Variants in SLC38A8 observed in about 807,000 individuals in gnomAD.
The protein encoded by SLC38A8 is amino acid transporter SLC38A8.
Under a neutral mutation model 46.0 loss-of-function variants are expected in SLC38A8, and 65 were observed. The ratio of observed to expected loss-of-function variants is 1.41; its 90% CI spans 1.16 to 1.74. SLC38A8 has a LOEUF of 1.74. Among genes scored for constraint, SLC38A8 ranks in the 40% most tolerant of loss-of-function variants. The pLI is 0.00. For synonymous variants in SLC38A8, 447 were observed against 243.7 expected (o/e 1.83, Z -7.77); for missense variants, 998 against 567.9 (o/e 1.76, Z -7.70).
intron 6 of SLC38A8, among the ~76,000 whole-genome samples, chr16:84,023,604 C>T (rs936122690): frequency 1.3e-5 from 2 of 152,170 alleles, no homozygotes; most frequent in African/African-American, 4.8e-5. Context: ...CACAGGAAGC[C>T]ACATAGGTGC....
chr16:84,028,569 A>AT (rs1392505589), intron 6 of SLC38A8, among the ~76,000 whole-genome samples: 2 of 113,290 alleles, frequency 1.8e-5, no homozygotes, highest in East Asian at 4.5e-4. Flanking sequence ...ACTCAAAAAA[A>AT]GAAAAAAAAA....
intron 6 of SLC38A8, among the ~76,000 whole-genome samples, chr16:84,023,323 C>T (rs2085117655): frequency 6.6e-6 from 1 of 152,122 alleles, no homozygotes; most frequent in Non-Finnish European, 1.5e-5. Flanking sequence ...GGACTTGCAT[C>T]AGGAATAAAG....
In SLC38A8 at chr16:84,022,833, G is replaced by A; in HGVS notation, c.747C>T (p.His249=). The change falls in exon 7 of 11, where the codon CAC becomes CAT. Residue 249 remains histidine, a synonymous_variant. Transcript: ENST00000299709. The part of the protein sequence containing the change: ...YCSMRKRSLS[H]WALVSVLSLL... Reference sequence around the variant, plus strand: ...AGGACAGCACAGACACCAGGGCCCAGTGGGAGAGGCTCCGTTTGCGCATGC... The same window carrying A: ...AGGACAGCACAGACACCAGGGCCCAATGGGAGAGGCTCCGTTTGCGCATGC... 2 of 1,613,226 alleles carry A rather than the reference G, an allele frequency of 1.2e-6. No homozygotes were observed. Among genetic ancestry groups the A allele is most frequent in the South Asian group, 1.1e-5 (1 of 91,016 alleles).
rs79490100 is a variant in SLC38A8 at position 84,013,063 on chromosome 16, G to A, written c.1163-11C>T. 5.6e-6 allele frequency: 9 copies of A among 1,614,048 alleles called. No individual in the cohort carries two copies. The highest frequency in any genetic ancestry group is 5.0e-5 in the Admixed American group (3 of 60,010). On this transcript the variant is annotated splice_polypyrimidine_tract_variant and intron_variant, in intron 9 of 10. Coordinates refer to ENST00000299709, the MANE Select transcript of SLC38A8 (RefSeq NM_001080442.3). ...AGATGAGGCACAAACCTGCAAAAAA[G>A]ACAGGGTCACCCACAGTTCTTCGTT... is the stretch of plus-strand genomic sequence containing the variant.
Position 84,033,357 on chromosome 16 carries a change from C to T in SLC38A8, c.501G>A (p.Pro167=), listed in dbSNP as rs151200224. ...TGTATTTCTGGAAGGCGATCTCCCG[C>T]GGGGCAGACAGGGGCAGGATGACCA... ...SVLVILPLSA[P]REIAFQKYTS... The change falls in exon 4 of 11, where the codon CCG becomes CCA. Residue 167 remains proline (P), a synonymous_variant. Coordinates refer to ENST00000299709, the MANE Select transcript of SLC38A8 (RefSeq NM_001080442.3). 93 of 1,614,038 alleles carry T rather than the reference C, an allele frequency of 5.8e-5. No homozygotes were observed. The highest frequency in any genetic ancestry group is 3.9e-4 in the African/African-American group (29 of 75,006).
At chr16:84,034,771 G>A (rs868803191) in intron 3 of SLC38A8, among the ~76,000 whole-genome samples, 8 of 152,104 alleles carry the variant, frequency 5.3e-5, no homozygotes, top group Non-Finnish European at 7.4e-5. Flanking sequence ...GGACTGCACC[G>A]AGATCGTGGG....
Position 84,017,161 on chromosome 16 carries a change from G to A in SLC38A8, c.932C>T (p.Pro311Leu), listed in dbSNP as rs765635340. ...TCACCTCCCCAGGAAGAGCACGATG[G>A]GGTAGACAGTTACGATGGAGACAGC... ...LFAVSIVTVY[P>L]IVLFLGRSVM... The change falls in exon 8 of 11, where the codon CCC becomes CTC. Residue 311 changes from proline (P) to leucine (L), a missense_variant. Physicochemically the swap from Pro to Leu is moderately conservative, Grantham distance 98. Transcript: ENST00000299709. 9 of 1,613,966 alleles carry A rather than the reference G, an allele frequency of 5.6e-6. No individual in the cohort carries two copies. Among genetic ancestry groups the A allele is most frequent in the African/African-American group, 1.3e-5 (1 of 74,866 alleles).
chr16:84,031,800 T>A, intron 5 of SLC38A8, 67 bp downstream of exon 5: 1 of 1,337,750 alleles, frequency 7.5e-7, no homozygotes, highest in East Asian at 2.3e-5. Context: ...CCTCCAAGAC[T>A]CCCCTCACAG....
intron 10 of SLC38A8, among the ~76,000 whole-genome samples, chr16:84,010,341 G>A (rs1478692029): frequency 1.3e-5 from 2 of 152,026 alleles, no homozygotes; most frequent in African/African-American, 4.8e-5. Context: ...AAAGTACTGG[G>A]ATTACAAGCG....
chr16:84,033,194 A>AT (rs951941357), intron 4 of SLC38A8, 134 bp downstream of exon 4: 763 of 1,189,200 alleles, frequency 6.4e-4, no homozygotes, highest in Non-Finnish European at 7.7e-4. Context: ...TACTTGTATA[A>AT]TTTTTTTTTC....
intron 1 of SLC38A8, 28 bp from the exon 2 acceptor site, chr16:84,042,187 A>G (rs755513461): frequency 1.3e-6 from 2 of 1,584,884 alleles, no homozygotes; most frequent in East Asian, 4.5e-5. Context: ...GTGGAGAGAA[A>G]GCACAGTCTT....
rs1182311691 is a variant in SLC38A8 at position 84,017,124 on chromosome 16, C to A, written c.953+16G>T. On this transcript the variant is annotated intron_variant, in intron 8 of 10. Coordinates refer to ENST00000299709, the MANE Select transcript of SLC38A8 (RefSeq NM_001080442.3). ...AGACCATGCTTCACGGTGCCCCCCA[C>A]TGAGCCAGGCCTCACCTCCCCAGGA... 1.9e-6 allele frequency: 3 copies of A among 1,613,526 alleles called. No individual in the cohort carries two copies. Among genetic ancestry groups the A allele is most frequent in the East Asian group, 2.2e-5 (1 of 44,894 alleles).
chr16:84,013,435 T>TTTTTGTTTTTTTTTTTTGTTG (rs2084980936), intron 9 of SLC38A8, among the ~76,000 whole-genome samples: 2 of 130,694 alleles, frequency 1.5e-5, no homozygotes, highest in Non-Finnish European at 1.6e-5. Context: ...TTTTTTTTTT[T>TTTTTGTTTTTTTTTTTTGTTG]TTTTTTTTTT....
chr16:84,033,231 C>T (rs1416299611), intron 4 of SLC38A8, 97 bp downstream of exon 4: 7 of 1,533,102 alleles, frequency 4.6e-6, no homozygotes, highest in Middle Eastern at 1.7e-4. Flanking sequence ...AATGTGAAGG[C>T]CAATTCCCCA....
rs138950424 is a variant in SLC38A8 at position 84,021,164 on chromosome 16, T to C, written c.805+1611A>G. On this transcript the variant is annotated intron_variant, in intron 7 of 10. Transcript: ENST00000299709. Reference sequence around the variant, plus strand: ...TGCAACCTCCAGCTCCCAGGTTCAATTGATACTCCTGCCTCAACCTCCCAA... The same window carrying C: ...TGCAACCTCCAGCTCCCAGGTTCAACTGATACTCCTGCCTCAACCTCCCAA... Among the ~76,000 whole-genome samples, 42 of 152,274 alleles carry C rather than the reference T, an allele frequency of 2.8e-4. No individual in the cohort carries two copies. In the East Asian group the frequency reaches 5.4e-3, roughly 20 times the overall value.
chr16:84,029,871 T>C (rs533378258), intron 5 of SLC38A8, among the ~76,000 whole-genome samples: 108 of 152,272 alleles, frequency 7.1e-4, no homozygotes, highest in Non-Finnish European at 1.3e-3. Context: ...GGTTTGGTAA[T>C]TGGCAGGGGC....
chr16:84,022,762 G>T lies in SLC38A8; in HGVS notation c.805+13C>A, dbSNP rs375536350. On this transcript the variant is annotated intron_variant, in intron 7 of 10. Coordinates refer to ENST00000299709, the MANE Select transcript of SLC38A8 (RefSeq NM_001080442.3). ...TCCCCACCCTCTGCAGGGGTGCCTG[G>T]GAAGGGCCTTACCCGTCAGTGAATA... is the stretch of plus-strand genomic sequence containing the variant. 325 of 1,610,184 alleles carry T rather than the reference G, an allele frequency of 2.0e-4. No individual in the cohort carries two copies. The highest frequency in any genetic ancestry group is 3.3e-4 in the East Asian group (15 of 44,862).
chr16:84,026,768 C>T (rs144237048), intron 6 of SLC38A8, among the ~76,000 whole-genome samples: 7 of 152,194 alleles, frequency 4.6e-5, no homozygotes, highest in Non-Finnish European at 8.8e-5. Flanking sequence ...CCCACCAACA[C>T]GGCGGGGGAG....
chr16:84,029,511 T>C lies in SLC38A8; in HGVS notation c.673A>G (p.Ile225Val), dbSNP rs745642623. The C allele has an allele frequency of 1.2e-5, 20 of 1,613,818 alleles. No individual in the cohort carries two copies. The highest frequency in any genetic ancestry group is 3.3e-4 in the Middle Eastern group (2 of 6,084). ...AAAATTACCTGAAACCCGAAGCAGA[T>C]GGTGGGGAAGACACTGAACACAGAG... is the stretch of plus-strand genomic sequence containing the variant. The part of the protein sequence containing the change: ...WTSVFSVFPT[I>V]CFGFQCHEAA... Residue 225 changes from isoleucine (I) to valine (V), a missense_variant, in exon 6 of 11, where the codon ATC (isoleucine) becomes GTC (valine). Physicochemically the swap from Ile to Val is conservative, Grantham distance 29. Coordinates refer to ENST00000299709, the MANE Select transcript of SLC38A8 (RefSeq NM_001080442.3).
Sources: gnomAD v4.1 joint callset for allele counts (sites outside exome capture counted in the v4.1 genomes callset) on GRCh38, gnomAD v4.1.1 for gene constraint, MANE v1.5 for transcripts, NCBI Gene and HGNC (gene_info 2026-07-23, HGNC 2026-07-21) for gene names.